Variants in DAB1 observed in about 807,000 individuals in gnomAD.
The protein encoded by DAB1 is DAB adaptor protein 1.
In DAB1, 15 loss-of-function variants were observed where a neutral mutation model predicts 64.6. The ratio of observed to expected loss-of-function variants is 0.23; its 90% CI spans 0.16 to 0.36. The LOEUF is 0.36. DAB1 is among the 10% of genes least tolerant of loss of function. DAB1 has a pLI of 1.00. For synonymous variants in DAB1, 235 were observed against 251.9 expected (o/e 0.93, Z 0.64); for missense variants, 596 against 706.7 (o/e 0.84, Z 1.78).
chr1:57,534,483 C>T (rs954363370), intron 7 of DAB1, among the ~76,000 whole-genome samples: 4 of 152,180 alleles, frequency 2.6e-5, no homozygotes, highest in Non-Finnish European at 5.9e-5. Context: ...CAACCCTGCT[C>T]CAGGCTGTGG....
intron 6 of DAB1, among the ~76,000 whole-genome samples, chr1:57,674,824 T>G (rs765749142): frequency 1.3e-5 from 2 of 152,210 alleles, no homozygotes; most frequent in Non-Finnish European, 2.9e-5. Flanking sequence ...TAACAGATAA[T>G]CAGCATTCAG....
chr1:58,001,559 T>A (rs1253621165), intron 5 of DAB1, among the ~76,000 whole-genome samples: 1 of 152,148 alleles, frequency 6.6e-6, no homozygotes, highest in Admixed American at 6.6e-5. Context: ...CACACCCAGC[T>A]GAAAAGGCCC....
intron 6 of DAB1, among the ~76,000 whole-genome samples, chr1:57,653,653 C>T (rs1239918183): frequency 2.0e-5 from 3 of 152,068 alleles, no homozygotes; most frequent in African/African-American, 7.2e-5. Context: ...CGCTCTGCCA[C>T]CCAGGCTGCA....
In DAB1 at chr1:58,521,755, T is replaced by C. The variant is rs180894821; in HGVS notation, n.107+5506A>G. 6.6e-5 allele frequency among the ~76,000 whole-genome samples: 10 copies of C among 152,300 alleles called. No homozygotes were observed. In the East Asian group the frequency reaches 1.9e-3, roughly 29 times the overall value. On this transcript the variant is annotated intron_variant and non_coding_transcript_variant, in intron 2 of 20. Transcript: ENST00000485760. ...ATAGTTCTATATCTATTAAAGAGAC[T>C]GAATCCATAATTAAAGACAAACTCA...
chr1:57,014,032 G>C (rs1173274637), intron 12 of DAB1, among the ~76,000 whole-genome samples: 1 of 151,960 alleles, frequency 6.6e-6, no homozygotes, highest in Non-Finnish European at 1.5e-5. Flanking sequence ...CTCTGGTCCA[G>C]GACTGCAAAA....
intron 3 of DAB1, among the ~76,000 whole-genome samples, chr1:58,400,637 G>T (rs984389855): frequency 5.3e-5 from 8 of 152,148 alleles, no homozygotes; most frequent in African/African-American, 1.7e-4. Context: ...TGTCAATTTT[G>T]CCAGGAAAAT....
At chr1:57,462,150 T>C (rs1037210336) in intron 7 of DAB1, among the ~76,000 whole-genome samples, 4 of 151,912 alleles carry the variant, frequency 2.6e-5, no homozygotes, top group Non-Finnish European at 5.9e-5. Context: ...GGTTTCACCA[T>C]GCTGGCCAGG....
intron 1 of DAB1, among the ~76,000 whole-genome samples, chr1:57,394,054 T>C (rs755440257): frequency 5.9e-5 from 9 of 152,214 alleles, no homozygotes; most frequent in Non-Finnish European, 1.2e-4. Context: ...AACGTAGCAT[T>C]ATGCTGTAAT....
intron 2 of DAB1, 88 bp from the exon 3 acceptor site, chr1:57,145,517 T>C (rs1659037161): frequency 1.4e-6 from 2 of 1,400,192 alleles, no homozygotes; most frequent in South Asian, 2.6e-5. Flanking sequence ...CGCTGTCTGG[T>C]TTCATCTACA....
chr1:57,348,178 C>T (rs1678272925), intron 1 of DAB1, among the ~76,000 whole-genome samples: 1 of 152,066 alleles, frequency 6.6e-6, no homozygotes, highest in Non-Finnish European at 1.5e-5. Context: ...TCCTATATAC[C>T]AGGCAAGTTG....
chr1:58,408,292 C>A (rs993007700), intron 3 of DAB1, among the ~76,000 whole-genome samples: 1 of 152,206 alleles, frequency 6.6e-6, no homozygotes, highest in Non-Finnish European at 1.5e-5. Context: ...GTGATGAAAT[C>A]CTCATTCAAG....
intron 4 of DAB1, among the ~76,000 whole-genome samples, chr1:57,105,645 T>C (rs773521241): frequency 6.6e-6 from 1 of 152,162 alleles, no homozygotes; most frequent in Non-Finnish European, 1.5e-5. Context: ...GTAAATCAGG[T>C]TGAACACTGT....
chr1:58,140,070 C>T (rs1026722671), intron 5 of DAB1, among the ~76,000 whole-genome samples: 8 of 152,160 alleles, frequency 5.3e-5, no homozygotes, highest in South Asian at 2.1e-4. Flanking sequence ...CCACCCCTAC[C>T]GTACTACCCT....
At position 58,066,888 on chromosome 1, in the gene DAB1, A is replaced by G. The variant is rs537481278; in HGVS notation, n.387+83623T>C. Among the ~76,000 whole-genome samples, 380 of 152,320 alleles carry G rather than the reference A, an allele frequency of 2.5e-3. 3 individuals carry two copies. The highest frequency in any genetic ancestry group is 8.8e-3 in the African/African-American group (365 of 41,554). On this transcript the variant is annotated intron_variant and non_coding_transcript_variant, in intron 5 of 20. Transcript: ENST00000485760. ...AATTGAATGACATCTTTCTCTGCTGAATACCTTCAGCGACTCTACATTTCA... is the reference window on the plus strand; with the variant it reads ...AATTGAATGACATCTTTCTCTGCTGGATACCTTCAGCGACTCTACATTTCA...
chr1:57,907,227 A>G (rs1162834836), intron 5 of DAB1, among the ~76,000 whole-genome samples: 1 of 152,192 alleles, frequency 6.6e-6, no homozygotes, highest in Non-Finnish European at 1.5e-5. Flanking sequence ...CAGTACCACT[A>G]CACCAAGCAC....
At chr1:58,531,727 TG>T (rs147383415) in intron 1 of DAB1, among the ~76,000 whole-genome samples, 17,637 of 142,516 alleles carry the variant, frequency 0.12, 1,220 homozygotes, top group African/African-American at 0.19. Flanking sequence ...TTTTTTTTTT[TG>T]AGACAGAGTC....
chr1:57,266,106 T>C (rs1193929907), intron 2 of DAB1, among the ~76,000 whole-genome samples: 1 of 152,160 alleles, frequency 6.6e-6, no homozygotes, highest in African/African-American at 2.4e-5. Flanking sequence ...CAGAGTCATC[T>C]GCACACAAGG....
intron 6 of DAB1, among the ~76,000 whole-genome samples, chr1:57,719,862 A>G (rs1162148740): frequency 6.6e-6 from 1 of 152,262 alleles, no homozygotes; most frequent in Non-Finnish European, 1.5e-5. Flanking sequence ...CTAAGAAAGC[A>G]GAATTAGTTG....
At chr1:57,268,057 A>G (rs1034383527) in intron 2 of DAB1, among the ~76,000 whole-genome samples, 2 of 152,196 alleles carry the variant, frequency 1.3e-5, no homozygotes, top group Admixed American at 1.3e-4. Flanking sequence ...GGATTTCTCC[A>G]TGTTCAACAA....
Sources: gnomAD v4.1 joint callset for allele counts (sites outside exome capture counted in the v4.1 genomes callset) on GRCh38, gnomAD v4.1.1 for gene constraint, MANE v1.5 for transcripts, NCBI Gene and HGNC (gene_info 2026-07-23, HGNC 2026-07-21) for gene names.